Variants in ABLIM1 observed in about 807,000 individuals in gnomAD.
ABLIM1 encodes actin-binding LIM protein 1.
In ABLIM1, 40 loss-of-function variants were observed where a neutral mutation model predicts 107.0. The ratio of observed to expected loss-of-function variants is 0.37; its 90% CI spans 0.29 to 0.49. The LOEUF is 0.49. ABLIM1 is among the 20% of genes least tolerant of loss of function. The pLI is 0.97. For missense variants in ABLIM1, 857 were observed against 1,008.5 expected (o/e 0.85, Z 2.04); for synonymous variants, 357 against 357.3 (o/e 1.00, Z 0.01).
chr10:114,560,310 AGCC>A (rs2069498733), intron 4 of ABLIM1, among the ~76,000 whole-genome samples: 2 of 152,356 alleles, frequency 1.3e-5, no homozygotes, highest in East Asian at 3.9e-4. Context: ...AACATTATTC[AGCC>A]ATAAAGAAAT....
chr10:114,515,342 G>A (rs954909814), intron 6 of ABLIM1, among the ~76,000 whole-genome samples: 14 of 152,168 alleles, frequency 9.2e-5, no homozygotes, highest in African/African-American at 3.1e-4. Flanking sequence ...GTCTAGAGCT[G>A]GAGAGGTGAC....
At chr10:114,574,190 T>C (rs1347467578) in intron 3 of ABLIM1, among the ~76,000 whole-genome samples, 1 of 152,162 alleles carries the variant, frequency 6.6e-6, no homozygotes, top group Admixed American at 6.5e-5. Context: ...TCCTCTGAAT[T>C]GGGGTTTTTA....
At chr10:114,452,874 T>C (rs1000569134) in intron 13 of ABLIM1, among the ~76,000 whole-genome samples, 2 of 152,370 alleles carry the variant, frequency 1.3e-5, no homozygotes. Flanking sequence ...TAGTCTGTTA[T>C]GCGCTGCAGA....
intron 1 of ABLIM1, among the ~76,000 whole-genome samples, chr10:114,628,335 C>T (rs2077951664): frequency 6.6e-6 from 1 of 152,254 alleles, no homozygotes; most frequent in African/African-American, 2.4e-5. Flanking sequence ...GAAGTCAGTG[C>T]TGCTGGTATG....
chr10:114,684,455 C>G, exon 1 of ABLIM1: 2 of 1,540,910 alleles, frequency 1.3e-6, no homozygotes, highest in Non-Finnish European at 1.8e-6. Flanking sequence ...GCTCTCCTCC[C>G]AGGAGTCTGT....
At chr10:114,786,938 G>A in the ABLIM1 span, among the ~76,000 whole-genome samples, 4 of 151,824 alleles carry the variant, frequency 2.6e-5, no homozygotes, top group East Asian at 3.9e-4. Context: ...AGTGAGGAGC[G>A]TCTCTGCCTG....
At chr10:114,465,563 CA>C (rs1436355964) in intron 12 of ABLIM1, 134 bp downstream of exon 12, 4 of 1,040,652 alleles carry the variant, frequency 3.8e-6, no homozygotes, top group Non-Finnish European at 5.5e-6. Flanking sequence ...AGTTGGATAC[CA>C]GTTTTCATTT....
At chr10:114,511,732 G>A (rs1000111168) in intron 6 of ABLIM1, among the ~76,000 whole-genome samples, 1 of 150,524 alleles carries the variant, frequency 6.6e-6, no homozygotes, top group Non-Finnish European at 1.5e-5. Flanking sequence ...TTTTGGCAAA[G>A]ACTTGTTCTA....
At chr10:114,487,301 T>C (rs1481241122) in intron 8 of ABLIM1, among the ~76,000 whole-genome samples, 1 of 152,222 alleles carries the variant, frequency 6.6e-6, no homozygotes, top group Non-Finnish European at 1.5e-5. Flanking sequence ...TCATTCAGTC[T>C]GATTATTGCA....
intron 1 of ABLIM1, among the ~76,000 whole-genome samples, chr10:114,644,547 C>T (rs2078929608): frequency 6.6e-6 from 1 of 151,644 alleles, no homozygotes; most frequent in South Asian, 2.1e-4. Flanking sequence ...CTCGTCTGTC[C>T]CTGCTCTACC....
intron 12 of ABLIM1, among the ~76,000 whole-genome samples, chr10:114,462,748 A>G (rs901514513): frequency 7.3e-6 from 1 of 136,804 alleles, no homozygotes; most frequent in Non-Finnish European, 1.6e-5. Flanking sequence ...TCCAAAAACA[A>G]AATAATAATA....
intron 6 of ABLIM1, among the ~76,000 whole-genome samples, chr10:114,534,305 C>G (rs2065760378): frequency 6.6e-6 from 1 of 152,118 alleles, no homozygotes; most frequent in African/African-American, 2.4e-5. Flanking sequence ...GGAGAAAGGA[C>G]TACTCTGGGG....
intron 10 of ABLIM1, 94 bp from the exon 11 acceptor site, chr10:114,468,310 T>C: frequency 2.4e-6 from 3 of 1,249,598 alleles, no homozygotes; most frequent in South Asian, 2.4e-5. Context: ...AGTCTCGCTC[T>C]GTCGCCCAGG....
the ABLIM1 span, among the ~76,000 whole-genome samples, chr10:114,795,248 T>C: frequency 6.6e-6 from 1 of 152,182 alleles, no homozygotes; most frequent in East Asian, 1.9e-4. Context: ...TCTGCCCTTC[T>C]CTGAATATTA....
At chr10:114,469,018 C>T (rs1392459387) in intron 10 of ABLIM1, among the ~76,000 whole-genome samples, 2 of 136,676 alleles carry the variant, frequency 1.5e-5, no homozygotes, top group Non-Finnish European at 3.0e-5. Flanking sequence ...CGCCACTGCA[C>T]TCCAGCCTGG....
intron 1 of ABLIM1, among the ~76,000 whole-genome samples, chr10:114,713,741 A>G (rs1311460585): frequency 6.6e-6 from 1 of 152,096 alleles, no homozygotes; most frequent in African/African-American, 2.4e-5. Context: ...AGAACACTTC[A>G]CTCCTTTCGG....
intron 13 of ABLIM1, 86 bp downstream of exon 13, chr10:114,453,293 G>C (rs184523504): frequency 2.1e-6 from 3 of 1,397,328 alleles, no homozygotes; most frequent in Admixed American, 3.5e-5. Context: ...AATTAAAAGA[G>C]CATGAGAGAT....
chr10:114,507,068 AT>A (rs1300333219), intron 6 of ABLIM1, among the ~76,000 whole-genome samples: 4 of 152,226 alleles, frequency 2.6e-5, no homozygotes, highest in Non-Finnish European at 5.9e-5. Flanking sequence ...CAGACTAAAA[AT>A]ATTTTTTCTT....
intron 1 of ABLIM1, among the ~76,000 whole-genome samples, chr10:114,621,858 G>T (rs942177291): frequency 6.6e-6 from 1 of 152,236 alleles, no homozygotes; most frequent in African/African-American, 2.4e-5. Context: ...CTTCGCTATG[G>T]CTCATTGCTA....
Sources: gnomAD v4.1 joint callset for allele counts (sites outside exome capture counted in the v4.1 genomes callset) on GRCh38, gnomAD v4.1.1 for gene constraint, MANE v1.5 for transcripts, NCBI Gene and HGNC (gene_info 2026-07-23, HGNC 2026-07-21) for gene names.